SYT14: variants seen among roughly 807,000 people sequenced by gnomAD.
SYT14 encodes synaptotagmin-14.
A neutral mutation model predicts 74.2 loss-of-function variants in SYT14; 32 were observed. That is an observed-to-expected ratio of 0.43 (90% CI 0.33 to 0.58). The LOEUF (loss-of-function observed/expected upper bound fraction) is 0.58, where lower values mean the gene tolerates loss of function less well. SYT14 is among the 20% of genes least tolerant of loss of function. The pLI is 0.05. For missense variants in SYT14, 791 were observed against 981.8 expected, an observed-to-expected ratio of 0.81 and a Z score of 2.60; for synonymous variants, 298 against 337.7, an observed-to-expected ratio of 0.88 and a Z score of 1.29.
intron 5 of SYT14, among the ~76,000 whole-genome samples, chr1:210,026,638 ACACACT>A (rs374704255): frequency 6.6e-6 from 1 of 151,168 alleles, no homozygotes; most frequent in African/African-American, 2.4e-5. Context: ...ACACACACAC[ACACACT>A]CACCCCTACT....
At chr1:210,163,695 A>T in exon 10 of SYT14, 1 of 453,758 alleles carries the variant, frequency 2.2e-6, no homozygotes, top group Non-Finnish European at 4.4e-6. Context: ...GACACAACTT[A>T]TAATAATTAC....
chr1:209,995,876 G>C (rs2079780814), intron 2 of SYT14, among the ~76,000 whole-genome samples: 1 of 142,116 alleles, frequency 7.0e-6, no homozygotes, highest in South Asian at 2.1e-4. Flanking sequence ...ACTTACTCTT[G>C]AAACTCCTGT....
At chr1:209,948,005 A>G (rs1334623924) in intron 1 of SYT14, among the ~76,000 whole-genome samples, 4 of 152,158 alleles carry the variant, frequency 2.6e-5, no homozygotes, top group Admixed American at 1.3e-4. Context: ...AATTAAGATC[A>G]TACATTTTTT....
chr1:209,965,724 G>A lies in SYT14; in HGVS notation c.-486+12968G>A, dbSNP rs10779518. 0.66 allele frequency among the ~76,000 whole-genome samples: 99,920 copies of A among 151,966 alleles called. 33,816 individuals are homozygous for A. Among genetic ancestry groups the A allele is most frequent in the East Asian group, 0.85 (4,420 of 5,174 alleles). ...GAAGACATTTTGAGTTAGTTTTTAT[G>A]TATGATGTGAGATACATATCAAAGT... is the stretch of plus-strand genomic sequence containing the variant. On this transcript the variant is annotated intron_variant, in intron 2 of 9. Coordinates refer to ENST00000637265, the Ensembl canonical transcript of SYT14.
At chr1:209,962,399 C>G (rs1478073461) in intron 2 of SYT14, among the ~76,000 whole-genome samples, 2 of 151,764 alleles carry the variant, frequency 1.3e-5, no homozygotes, top group East Asian at 3.9e-4. Flanking sequence ...CTTCTTTAAC[C>G]TGGCTCAAGA....
At chr1:210,132,174 C>T (rs1267332182) in intron 7 of SYT14, among the ~76,000 whole-genome samples, 1 of 152,096 alleles carries the variant, frequency 6.6e-6, no homozygotes, top group Non-Finnish European at 1.5e-5. Flanking sequence ...GGCTCTACAC[C>T]CCAGGCAAGG....
chr1:210,036,325 A>T (rs926983716), intron 5 of SYT14, among the ~76,000 whole-genome samples: 3 of 151,852 alleles, frequency 2.0e-5, no homozygotes, highest in African/African-American at 2.4e-5. Context: ...AGTCTTTTGG[A>T]GGAGTCTTTA....
chr1:210,163,132 C>T (rs1380783202), exon 10 of SYT14: 1 of 453,266 alleles, frequency 2.2e-6, no homozygotes, highest in Non-Finnish European at 4.4e-6. Context: ...CTGTTATCTT[C>T]CTAATAAAAA....
At chr1:210,083,757 T>A (rs2081663245) in intron 5 of SYT14, among the ~76,000 whole-genome samples, 1 of 152,066 alleles carries the variant, frequency 6.6e-6, no homozygotes. Context: ...TTTGTAGAGA[T>A]GAACTTTCGC....
chr1:210,021,346 A>G, intron 5 of SYT14, 92 bp downstream of exon 4: 1 of 1,158,108 alleles, frequency 8.6e-7, no homozygotes, highest in Middle Eastern at 2.5e-4. Context: ...TTGCAGAATA[A>G]ACAAGAGAGC....
At chr1:210,031,918 C>T (rs1250533214) in intron 5 of SYT14, among the ~76,000 whole-genome samples, 3 of 130,316 alleles carry the variant, frequency 2.3e-5, no homozygotes, top group African/African-American at 7.7e-5. Context: ...AAGAAGGTAA[C>T]AAGAAGGAGG....
chr1:209,947,819 G>A (rs747929459), intron 1 of SYT14, among the ~76,000 whole-genome samples: 1 of 152,106 alleles, frequency 6.6e-6, no homozygotes, highest in Non-Finnish European at 1.5e-5. Context: ...CCATCAGTGT[G>A]GTAAACTTCA....
At chr1:210,152,088 A>G (rs561534893) in intron 7 of SYT14, among the ~76,000 whole-genome samples, 8 of 152,300 alleles carry the variant, frequency 5.3e-5, no homozygotes, top group Non-Finnish European at 8.8e-5. Flanking sequence ...TTTTGACACT[A>G]TTTTCATAAG....
chr1:210,050,987 T>C (rs2080983447), intron 5 of SYT14, among the ~76,000 whole-genome samples: 1 of 152,220 alleles, frequency 6.6e-6, no homozygotes, highest in African/African-American at 2.4e-5. Context: ...GAAATGAAGA[T>C]CTAGGTGTGC....
At chr1:210,075,811 C>G (rs2081490090) in intron 5 of SYT14, among the ~76,000 whole-genome samples, 2 of 152,108 alleles carry the variant, frequency 1.3e-5, no homozygotes, top group Non-Finnish European at 2.9e-5. Flanking sequence ...CACTTCCCTG[C>G]CCTCCTTCCG....
intron 2 of SYT14, among the ~76,000 whole-genome samples, chr1:209,964,241 G>T (rs567404652): frequency 6.6e-6 from 1 of 152,154 alleles, no homozygotes; most frequent in Non-Finnish European, 1.5e-5. Flanking sequence ...CGCTGTGTAA[G>T]ATGTGCCTGC....
intron 2 of SYT14, among the ~76,000 whole-genome samples, chr1:209,988,810 C>T (rs1558113472): frequency 6.6e-6 from 1 of 152,118 alleles, no homozygotes; most frequent in Non-Finnish European, 1.5e-5. Context: ...TTTTCCCAGC[C>T]TCTGATTGTT....
At chr1:210,100,255 C>G (rs895168047) in exon 7 of SYT14, 12 of 1,614,066 alleles carry the variant, frequency 7.4e-6, no homozygotes, top group Non-Finnish European at 9.3e-6. Flanking sequence ...CCAGAGAGGA[C>G]CATGCCCTGT....
At chr1:210,003,344 T>G (rs2079934636) in intron 2 of SYT14, among the ~76,000 whole-genome samples, 1 of 152,174 alleles carries the variant, frequency 6.6e-6, no homozygotes, top group Non-Finnish European at 1.5e-5. Flanking sequence ...GTTTCCTCCC[T>G]TTAGTTTTCA....
Sources: gnomAD v4.1 joint callset for allele counts (sites outside exome capture counted in the v4.1 genomes callset) on GRCh38, gnomAD v4.1.1 for gene constraint, MANE v1.5 for transcripts, NCBI Gene and HGNC (gene_info 2026-07-23, HGNC 2026-07-21) for gene names.